Variants in ABHD12 observed in about 807,000 individuals in gnomAD.
ABHD12 encodes lysophosphatidylserine lipase ABHD12.
In ABHD12, 43 loss-of-function variants were observed where a neutral mutation model predicts 58.3. That is an observed-to-expected ratio of 0.74 (90% CI 0.58 to 0.95). ABHD12 has a LOEUF of 0.95. Among genes scored for constraint, ABHD12 ranks in the 40% least tolerant of loss-of-function variants. The pLI is 0.00. For missense variants in ABHD12, 539 were observed against 537.2 expected (o/e 1.00, Z -0.03); for synonymous variants, 219 against 211.2 (o/e 1.04, Z -0.32).
intron 1 of ABHD12, among the ~76,000 whole-genome samples, chr20:25,366,878 G>C (rs980128149): frequency 6.6e-6 from 1 of 152,130 alleles, no homozygotes; most frequent in African/African-American, 2.4e-5. Context: ...TGTTATTCCT[G>C]AGCTGAGCAC....
chr20:25,342,639 C>T (rs1418958078), intron 1 of ABHD12, among the ~76,000 whole-genome samples: 1 of 152,130 alleles, frequency 6.6e-6, no homozygotes, highest in African/African-American at 2.4e-5. Flanking sequence ...CGTTCTGTCA[C>T]CCAAGCTGGA....
At chr20:25,383,644 C>G (rs1208129140) in intron 1 of ABHD12, among the ~76,000 whole-genome samples, 1 of 152,088 alleles carries the variant, frequency 6.6e-6, no homozygotes, top group Admixed American at 6.6e-5. Flanking sequence ...TATGGTGAAA[C>G]CCCGTCTCTA....
At chr20:25,304,963 C>T (rs989680894) in intron 10 of ABHD12, among the ~76,000 whole-genome samples, 1 of 152,018 alleles carries the variant, frequency 6.6e-6, no homozygotes. Context: ...ATGATCTTGG[C>T]TCACTGCAAC....
At chr20:25,337,555 C>T (rs1459605247) in intron 2 of ABHD12, among the ~76,000 whole-genome samples, 1 of 152,236 alleles carries the variant, frequency 6.6e-6, no homozygotes, top group South Asian at 2.1e-4. Context: ...CTATTCAATT[C>T]AAACATTTGC....
At chr20:25,355,050 C>T (rs925925532) in intron 1 of ABHD12, among the ~76,000 whole-genome samples, 4 of 152,146 alleles carry the variant, frequency 2.6e-5, no homozygotes, top group African/African-American at 7.2e-5. Context: ...GATCAGGAAA[C>T]AGGAAAAGTA....
chr20:25,378,354 T>C (rs1206169086), intron 1 of ABHD12, among the ~76,000 whole-genome samples: 2 of 152,032 alleles, frequency 1.3e-5, no homozygotes, highest in Admixed American at 1.3e-4. Flanking sequence ...TGGCACAACA[T>C]CTGGCAAACA....
At chr20:25,353,254 G>T (rs934394564) in intron 1 of ABHD12, among the ~76,000 whole-genome samples, 3 of 117,402 alleles carry the variant, frequency 2.6e-5, no homozygotes, top group South Asian at 2.8e-4. Context: ...TGTTTTTTTT[G>T]TTTGTTTCTG....
At chr20:25,342,653 C>T (rs1186377484) in intron 1 of ABHD12, among the ~76,000 whole-genome samples, 3 of 152,126 alleles carry the variant, frequency 2.0e-5, no homozygotes, top group Admixed American at 6.6e-5. Flanking sequence ...AGCTGGAGTG[C>T]GGTGGCACAA....
At chr20:25,339,698 G>GT (rs745750363) in intron 1 of ABHD12, 2 of 1,373,840 alleles carry the variant, frequency 1.5e-6, no homozygotes, top group South Asian at 1.1e-5. Context: ...CTGTAACCTC[G>GT]TATCAGGAAA....
chr20:25,340,562 G>C (rs929265771), intron 1 of ABHD12, among the ~76,000 whole-genome samples: 1 of 152,226 alleles, frequency 6.6e-6, no homozygotes, highest in Non-Finnish European at 1.5e-5. Flanking sequence ...GGAACAGAAA[G>C]AGTGCCAGGG....
rs1600756330 is a variant in ABHD12, at chr20:25,300,364, C to T, written c.*481G>A. 1 of 1,058,564 alleles carries T rather than the reference C, an allele frequency of 9.4e-7. No individual in the cohort carries two copies. The allele number at this position is 1,058,564 out of a possible 1,614,324, so 65.6% of individuals were successfully genotyped here. A position where few individuals can be genotyped will look rare whatever the true frequency, so the allele number is the denominator to read the frequency against. On this transcript the variant is annotated 3_prime_UTR_variant, in exon 13 of 13. Coordinates refer to ENST00000339157, the MANE Select transcript of ABHD12 (RefSeq NM_001042472.3). ...GGGGAGGTGGGGCAGCTGAGAAAGGCAAGCAGGTACACAGGGCAGGAGGGG... is the reference window on the plus strand; with the variant it reads ...GGGGAGGTGGGGCAGCTGAGAAAGGTAAGCAGGTACACAGGGCAGGAGGGG...
At chr20:25,315,245 G>A (rs147481328) in intron 5 of ABHD12, among the ~76,000 whole-genome samples, 67 of 152,104 alleles carry the variant, frequency 4.4e-4, no homozygotes, top group Middle Eastern at 6.8e-3. Flanking sequence ...AGCAGTGTCC[G>A]GCCGCAGCTC....
intron 1 of ABHD12, among the ~76,000 whole-genome samples, chr20:25,346,869 C>A (rs2089526266): frequency 6.6e-6 from 1 of 152,174 alleles, no homozygotes; most frequent in African/African-American, 2.4e-5. Flanking sequence ...TGGTCTCGAT[C>A]TCCTGACCTT....
chr20:25,295,068 G>GC, intron 12 of ABHD12: 1 of 1,599,732 alleles, frequency 6.3e-7, no homozygotes, highest in Admixed American at 1.7e-5. Flanking sequence ...TGTGAACTCT[G>GC]CATTTCGTGA....
chr20:25,306,851 T>G lies in ABHD12; in HGVS notation c.932A>C (p.Lys311Thr), dbSNP rs1413184742. The G allele has an allele frequency of 5.6e-6, 9 of 1,611,756 alleles. No homozygotes were observed. The highest frequency in any genetic ancestry group is 7.6e-6 in the Non-Finnish European group (9 of 1,177,980). The change falls in exon 10 of 13, where the codon AAA becomes ACA. Residue 311 changes from lysine (K) to threonine (T), a missense_variant. Transcript: ENST00000339157. ...FLDPITSSGI[K>T]FANDENVKHI... The stretch of plus-strand genomic sequence containing the variant: ...TACTCACTTTTCATCATTTGCAAAT[T>G]TAATTCCACTACTTGTAATAGGATC...
At chr20:25,302,367 G>A (rs748383973) in intron 11 of ABHD12, 21 bp from the exon 12 acceptor site, 6 of 1,612,270 alleles carry the variant, frequency 3.7e-6, no homozygotes, top group Non-Finnish European at 4.2e-6. Context: ...AGGGGTCAGA[G>A]CCTGAGGCAG....
In ABHD12 at chr20:25,334,127, A is replaced by C. The variant is rs1267315099; in HGVS notation, c.316+5100T>G. ...CAGCAAAGTCTCAGGATACAAAATCAATGTACAAAAATCACAAGCATTCTT... is the reference window on the plus strand; with the variant it reads ...CAGCAAAGTCTCAGGATACAAAATCCATGTACAAAAATCACAAGCATTCTT... On this transcript the variant is annotated intron_variant, in intron 2 of 12. Transcript: ENST00000339157. Among the ~76,000 whole-genome samples, 12 of 151,424 alleles carry C rather than the reference A, an allele frequency of 7.9e-5. No homozygotes were observed. In the East Asian group the frequency reaches 2.3e-3, roughly 29 times the overall value.
At chr20:25,346,609 A>G (rs774019930) in intron 1 of ABHD12, among the ~76,000 whole-genome samples, 2 of 152,146 alleles carry the variant, frequency 1.3e-5, no homozygotes, top group Non-Finnish European at 2.9e-5. Flanking sequence ...TTTCCACTCA[A>G]TTCTGCTGCA....
chr20:25,357,218 G>A (rs547972440), intron 1 of ABHD12, among the ~76,000 whole-genome samples: 2 of 152,056 alleles, frequency 1.3e-5, no homozygotes, highest in Non-Finnish European at 2.9e-5. Context: ...CTCTCGCAGG[G>A]GCCCCAAATC....
Sources: gnomAD v4.1 joint callset for allele counts (sites outside exome capture counted in the v4.1 genomes callset) on GRCh38, gnomAD v4.1.1 for gene constraint, MANE v1.5 for transcripts, NCBI Gene and HGNC (gene_info 2026-07-23, HGNC 2026-07-21) for gene names.